The following PCDH15 variants were observed in gnomAD, a reference collection of about 807,000 sequenced individuals.
The protein encoded by PCDH15 is protocadherin-15.
In PCDH15, 129 loss-of-function variants were observed where a neutral mutation model predicts 178.5. That is an observed-to-expected ratio of 0.72 (90% confidence interval 0.63 to 0.84). The LOEUF is 0.84. Among genes scored for constraint, PCDH15 ranks in the 40% least tolerant of loss-of-function variants. The pLI, the probability that PCDH15 is intolerant of heterozygous loss-of-function variation, is 0.00. For missense variants in PCDH15, 2,230 were observed against 2,099.9 expected (o/e 1.06, Z -1.21); for synonymous variants, 800 against 732.0 (o/e 1.09, Z -1.50).
chr10:54,677,402 A>T (rs1444667708), intron 1 of PCDH15, among the ~76,000 whole-genome samples: 1 of 152,056 alleles, frequency 6.6e-6, no homozygotes, highest in African/African-American at 2.4e-5. Context: ...AGTATATTCC[A>T]CTAATACCTT....
At chr10:55,442,478 ATATTAT>A (rs1839215537) in intron 2 of PCDH15, among the ~76,000 whole-genome samples, 2 of 57,926 alleles carry the variant, frequency 3.5e-5, no homozygotes, top group Admixed American at 1.8e-4. Context: ...TATTATATAT[ATATTAT>A]ATATATATAT....
chr10:54,692,590 C>T (rs72794520), intron 1 of PCDH15, among the ~76,000 whole-genome samples: 10,492 of 152,154 alleles, frequency 0.069, 493 homozygotes, highest in Admixed American at 0.097. Flanking sequence ...AAATAAAAAT[C>T]GGTTAGAGCT....
chr10:55,496,637 T>G (rs1237942565), intron 2 of PCDH15, among the ~76,000 whole-genome samples: 2 of 151,776 alleles, frequency 1.3e-5, no homozygotes, highest in African/African-American at 4.8e-5. Flanking sequence ...GATATTAGTT[T>G]GAATTCATTT....
At chr10:54,572,528 C>A (rs952171072) in intron 2 of PCDH15, among the ~76,000 whole-genome samples, 4 of 152,102 alleles carry the variant, frequency 2.6e-5, no homozygotes, top group African/African-American at 9.6e-5. Context: ...ATTGTCATTC[C>A]CTGTTCAAAT....
intron 8 of PCDH15, among the ~76,000 whole-genome samples, chr10:54,306,863 A>G (rs370580133): frequency 1.3e-5 from 2 of 150,340 alleles, no homozygotes; most frequent in African/African-American, 2.4e-5. Context: ...CCTAAAACAC[A>G]TAGGTATGGC....
intron 2 of PCDH15, among the ~76,000 whole-genome samples, chr10:54,905,345 G>A (rs1440438350): frequency 6.6e-6 from 1 of 151,954 alleles, no homozygotes; most frequent in African/African-American, 2.4e-5. Context: ...AAGCAACACT[G>A]TATTTATTTC....
chr10:54,459,606 T>C (rs2077045708), intron 3 of PCDH15, among the ~76,000 whole-genome samples: 1 of 152,028 alleles, frequency 6.6e-6, no homozygotes, highest in Admixed American at 6.6e-5. Flanking sequence ...CAGTGTTTTA[T>C]GAGGATATTA....
chr10:54,120,929 G>C (rs1253569790), intron 15 of PCDH15, among the ~76,000 whole-genome samples: 1 of 151,950 alleles, frequency 6.6e-6, no homozygotes, highest in East Asian at 1.9e-4. Flanking sequence ...CTCAACACTT[G>C]AGCAACTGGA....
chr10:54,485,291 C>A (rs1185425639), intron 3 of PCDH15, among the ~76,000 whole-genome samples: 1 of 151,776 alleles, frequency 6.6e-6, no homozygotes, highest in African/African-American at 2.4e-5. Flanking sequence ...ACCCCTTTAA[C>A]TAAAAATGTG....
At chr10:55,260,382 G>C (rs1842117253) in intron 1 of PCDH15, among the ~76,000 whole-genome samples, 1 of 152,044 alleles carries the variant, frequency 6.6e-6, no homozygotes, top group African/African-American at 2.4e-5. Context: ...AGATAGAGAT[G>C]CTGGTAAGCA....
At chr10:53,930,880 T>C (rs146780185) in intron 25 of PCDH15, among the ~76,000 whole-genome samples, 3 of 152,320 alleles carry the variant, frequency 2.0e-5, no homozygotes, top group Middle Eastern at 3.4e-3. Context: ...TCTCAGTAAT[T>C]GGCTTTCTGT....
intron 2 of PCDH15, among the ~76,000 whole-genome samples, chr10:54,597,290 A>G (rs2092288817): frequency 6.6e-6 from 1 of 152,198 alleles, no homozygotes; most frequent in Admixed American, 6.5e-5. Flanking sequence ...GAAGAACAAG[A>G]AAATCAGTCA....
Position 55,368,226 on chromosome 10 carries a change from CA to C in PCDH15, c.-155-201576del, listed in dbSNP as rs201217274. Among the ~76,000 whole-genome samples the C allele has an allele frequency of 5.6e-3, 854 of 152,144 alleles. 10 individuals are homozygous for C. The highest frequency in any genetic ancestry group is 0.02 in the African/African-American group (815 of 41,534). On this transcript the variant is annotated intron_variant, in intron 2 of 5. Coordinates refer to the PCDH15 transcript ENST00000613346. ...TTTGTCAATGATTTCATGTAATCAA[CA>C]ATGGCAAGGAACCAATTTTCAGTGT...
At chr10:53,832,701 AT>A (rs2077083147) in intron 29 of PCDH15, among the ~76,000 whole-genome samples, 1 of 152,044 alleles carries the variant, frequency 6.6e-6, no homozygotes, top group African/African-American at 2.4e-5. Flanking sequence ...ATGGCCCTAA[AT>A]TTCATTATCA....
Position 55,429,503 on chromosome 10 carries a change from C to T in PCDH15, c.-156+198122G>A, listed in dbSNP as rs146749033. On this transcript the variant is annotated intron_variant, in intron 2 of 5. Transcript: ENST00000613346. ...ATGTGTCTTTTTTGTTCTGCTGATG[C>T]TTATAAGATTTTTATCTTTACACTG... Among the ~76,000 whole-genome samples, 286 of 152,024 alleles carry T rather than the reference C, an allele frequency of 1.9e-3. 2 individuals carry two copies. Among genetic ancestry groups the T allele is most frequent in the African/African-American group, 4.9e-3 (205 of 41,480 alleles).
chr10:53,849,047 CA>C (rs1183319663), intron 28 of PCDH15, among the ~76,000 whole-genome samples: 1 of 151,934 alleles, frequency 6.6e-6, no homozygotes, highest in Non-Finnish European at 1.5e-5. Context: ...CACCTAAAAG[CA>C]AAATGAAAAT....
chr10:55,543,418 C>G, intron 2 of PCDH15, among the ~76,000 whole-genome samples: 1 of 150,088 alleles, frequency 6.7e-6, no homozygotes. Flanking sequence ...CTGTACCCCT[C>G]AACAATTATA....
intron 8 of PCDH15, among the ~76,000 whole-genome samples, chr10:54,303,787 A>C (rs1322561495): frequency 6.6e-6 from 1 of 152,170 alleles, no homozygotes; most frequent in Non-Finnish European, 1.5e-5. Flanking sequence ...GAGTAAAAGC[A>C]GTGTTTTAAA....
At chr10:55,059,222 T>C (rs1490482190) in intron 2 of PCDH15, among the ~76,000 whole-genome samples, 5 of 152,144 alleles carry the variant, frequency 3.3e-5, no homozygotes, top group African/African-American at 1.2e-4. Context: ...GAGGCCATAG[T>C]ACTTTAAAAA....
Sources: gnomAD v4.1 joint callset for allele counts (sites outside exome capture counted in the v4.1 genomes callset) on GRCh38, gnomAD v4.1.1 for gene constraint, MANE v1.5 for transcripts, NCBI Gene and HGNC (gene_info 2026-07-23, HGNC 2026-07-21) for gene names.